NLGN1: variants seen among roughly 807,000 people sequenced by gnomAD.
The protein encoded by NLGN1 is neuroligin 1, also known as neuroligin-1.
Under a neutral mutation model 65.5 loss-of-function variants are expected in NLGN1, and 12 were observed. The observed-to-expected ratio is 0.18, with a 90% CI of 0.12 to 0.30. The LOEUF is 0.30. Ranked by LOEUF, NLGN1 falls within the 10% of genes least tolerant of loss-of-function variation. The pLI is 1.00. For missense variants in NLGN1, 750 were observed against 1,007.1 expected, an observed-to-expected ratio of 0.74 and a Z score of 3.46; for synonymous variants, 350 against 359.5, an observed-to-expected ratio of 0.97 and a Z score of 0.30.
chr3:173,471,897 GAA>G (rs1247394119), intron 2 of NLGN1, among the ~76,000 whole-genome samples: 1 of 152,118 alleles, frequency 6.6e-6, no homozygotes, highest in African/African-American at 2.4e-5. Context: ...TTGTGAACCT[GAA>G]CTTTGCTGAA....
rs78018682 is a variant in NLGN1, at chr3:173,774,833, C to T, written c.494-32847C>T. Among the ~76,000 whole-genome samples the T allele has an allele frequency of 9.4e-3, 1,424 of 152,122 alleles. 15 individuals carry two copies. Among genetic ancestry groups the T allele is most frequent in the African/African-American group, 0.032 (1,336 of 41,484 alleles). On this transcript the variant is annotated intron_variant, in intron 3 of 6. Transcript: ENST00000457714. Reference sequence around the variant, plus strand: ...CTAATACAGCCTCCCCCAGCCCCCTCGCACGCACATTCTAGATATGGCTTG... The same window carrying T: ...CTAATACAGCCTCCCCCAGCCCCCTTGCACGCACATTCTAGATATGGCTTG...
chr3:174,017,748 G>A (rs971742326), intron 4 of NLGN1, among the ~76,000 whole-genome samples: 1 of 152,008 alleles, frequency 6.6e-6, no homozygotes, highest in Admixed American at 6.6e-5. Context: ...GTACAAATAG[G>A]GTGTGGGTCA....
At chr3:173,411,841 A>G (rs1382331087) in intron 1 of NLGN1, among the ~76,000 whole-genome samples, 1 of 152,124 alleles carries the variant, frequency 6.6e-6, no homozygotes, top group Admixed American at 6.5e-5. Flanking sequence ...AATTAATACT[A>G]GTGGCAGCAC....
chr3:174,244,043 A>G (rs1311318496), intron 4 of NLGN1, among the ~76,000 whole-genome samples: 1 of 152,212 alleles, frequency 6.6e-6, no homozygotes, highest in Non-Finnish European at 1.5e-5. Context: ...TTTGTGTTTC[A>G]TCTCTAAGAA....
At chr3:173,746,998 G>A (rs1333483734) in intron 3 of NLGN1, among the ~76,000 whole-genome samples, 1 of 151,412 alleles carries the variant, frequency 6.6e-6, no homozygotes, top group Non-Finnish European at 1.5e-5. Flanking sequence ...GTTTGAGGCT[G>A]TTGCACTCCA....
At chr3:173,826,238 A>G (rs1055486299) in intron 4 of NLGN1, among the ~76,000 whole-genome samples, 3 of 152,048 alleles carry the variant, frequency 2.0e-5, no homozygotes, top group Non-Finnish European at 4.4e-5. Context: ...TCCATGTGAC[A>G]TTTCTGTAAC....
intron 4 of NLGN1, among the ~76,000 whole-genome samples, chr3:174,067,005 T>A (rs1262162936): frequency 6.6e-6 from 1 of 152,184 alleles, no homozygotes; most frequent in Non-Finnish European, 1.5e-5. Context: ...TTTCAAATGC[T>A]TTTGCTTCTC....
At chr3:173,683,476 G>T (rs1489378983) in intron 3 of NLGN1, among the ~76,000 whole-genome samples, 1 of 152,134 alleles carries the variant, frequency 6.6e-6, no homozygotes. Flanking sequence ...ATCTCCAAGT[G>T]ACAGAACAAC....
rs1479916000 is a variant in NLGN1, at chr3:173,725,983, C to G, written c.494-81697C>G. On this transcript the variant is annotated intron_variant, in intron 3 of 6. Coordinates refer to ENST00000457714, the Ensembl canonical transcript of NLGN1. ...ACTTCTTCAAGGACAGCAGAAGAAT[C>G]TCTTAAGCTCCAGTATGCCCAGCTG... Among the ~76,000 whole-genome samples the G allele has an allele frequency of 3.9e-5, 6 of 152,088 alleles. No individual in the cohort carries two copies. In the East Asian group the frequency reaches 1.2e-3, roughly 29 times the overall value.
intron 4 of NLGN1, among the ~76,000 whole-genome samples, chr3:173,934,024 T>C (rs755378104): frequency 6.6e-6 from 1 of 151,722 alleles, no homozygotes; most frequent in Non-Finnish European, 1.5e-5. Flanking sequence ...CACAGTGCTA[T>C]TAGTATTAGG....
In NLGN1 at chr3:173,910,036, CCAAGAGTCT is replaced by C. The variant is rs559846876; in HGVS notation, c.646+102206_646+102214del. Among the ~76,000 whole-genome samples, 385 of 152,234 alleles carry C rather than the reference CCAAGAGTCT, an allele frequency of 2.5e-3. 3 individuals are homozygous for C. The highest frequency in any genetic ancestry group is 8.4e-3 in the African/African-American group (347 of 41,532). ...GTCAATGGGGGAGAGATTTGCTAAC[CCAAGAGTCT>C]CTAATATTAAACCCTAAACTCTCCT... On this transcript the variant is annotated intron_variant, in intron 4 of 6. Coordinates refer to ENST00000457714, the Ensembl canonical transcript of NLGN1.
intron 2 of NLGN1, among the ~76,000 whole-genome samples, chr3:173,547,177 G>A (rs79633354): frequency 0.024 from 3,606 of 152,100 alleles, 59 homozygotes; most frequent in Middle Eastern, 0.051. Context: ...CTACTTCAGC[G>A]AATATTAGTC....
intron 3 of NLGN1, among the ~76,000 whole-genome samples, chr3:173,671,863 C>A (rs2149738358): frequency 6.6e-6 from 1 of 152,242 alleles, no homozygotes; most frequent in East Asian, 1.9e-4. Context: ...ACTTCGTGCT[C>A]ATAAGAATTC....
At chr3:173,684,768 G>T (rs530055175) in intron 3 of NLGN1, among the ~76,000 whole-genome samples, 1 of 152,208 alleles carries the variant, frequency 6.6e-6, no homozygotes, top group African/African-American at 2.4e-5. Flanking sequence ...CTTGAAAGTT[G>T]TACTTTAGTT....
At chr3:173,497,050 C>T (rs1448195398) in intron 2 of NLGN1, among the ~76,000 whole-genome samples, 2 of 151,866 alleles carry the variant, frequency 1.3e-5, no homozygotes, top group African/African-American at 4.9e-5. Context: ...TAGACAAAGG[C>T]TATTTGTTTT....
chr3:174,046,096 T>C (rs1733525278), intron 4 of NLGN1, among the ~76,000 whole-genome samples: 1 of 152,178 alleles, frequency 6.6e-6, no homozygotes, highest in Non-Finnish European at 1.5e-5. Flanking sequence ...ATATGTGAGA[T>C]TTATTGCAAG....
intron 3 of NLGN1, among the ~76,000 whole-genome samples, chr3:173,706,011 C>A (rs1767991459): frequency 6.6e-6 from 1 of 151,972 alleles, no homozygotes; most frequent in Admixed American, 6.5e-5. Flanking sequence ...GAGTTTATGA[C>A]AACTAAATAA....
At chr3:174,284,605 GATTA>G (rs1377705938) in exon 7 of NLGN1, 1 of 151,192 alleles carries the variant, frequency 6.6e-6, no homozygotes, top group Non-Finnish European at 1.5e-5. Context: ...TTTACCAAGA[GATTA>G]ATGTTTTAGA....
At chr3:173,762,638 T>A (rs1270297771) in intron 3 of NLGN1, among the ~76,000 whole-genome samples, 1 of 152,032 alleles carries the variant, frequency 6.6e-6, no homozygotes, top group African/African-American at 2.4e-5. Flanking sequence ...TGGTATACAT[T>A]ATTAACTGTT....
Sources: gnomAD v4.1 joint callset for allele counts (sites outside exome capture counted in the v4.1 genomes callset) on GRCh38, gnomAD v4.1.1 for gene constraint, MANE v1.5 for transcripts, NCBI Gene and HGNC (gene_info 2026-07-23, HGNC 2026-07-21) for gene names.